The following SORCS1 variants were observed in gnomAD, a reference collection of about 807,000 sequenced individuals.
The protein encoded by SORCS1 is VPS10 domain-containing receptor SorCS1.
Under a neutral mutation model 146.1 loss-of-function variants are expected in SORCS1, and 60 were observed. The observed-to-expected ratio is 0.41, with a 90% CI of 0.33 to 0.51. SORCS1 has a LOEUF of 0.51. Ranked by LOEUF, SORCS1 falls within the 20% of genes least tolerant of loss-of-function variation. SORCS1 has a pLI of 0.21. For synonymous variants in SORCS1, 637 were observed against 584.0 expected (o/e 1.09, Z -1.31); for missense variants, 1,352 against 1,487.6 (o/e 0.91, Z 1.50).
chr10:106,948,112 A>C (rs979832697), intron 2 of SORCS1, among the ~76,000 whole-genome samples: 9 of 152,292 alleles, frequency 5.9e-5, no homozygotes, highest in African/African-American at 2.2e-4. Flanking sequence ...TCCAGTGAAT[A>C]GTATACTTCT....
At chr10:106,629,110 G>T in intron 19 of SORCS1, 92 bp downstream of exon 19, 1 of 1,125,438 alleles carries the variant, frequency 8.9e-7, no homozygotes, top group Non-Finnish European at 1.3e-6. Context: ...AAGATAACTA[G>T]TGTACTTCTT....
intron 1 of SORCS1, among the ~76,000 whole-genome samples, chr10:107,116,116 A>G (rs1966022087): frequency 6.7e-6 from 1 of 149,796 alleles, no homozygotes; most frequent in South Asian, 2.1e-4. Context: ...ACAAAAGGTA[A>G]TTATTGGTGA....
intron 4 of SORCS1, among the ~76,000 whole-genome samples, chr10:106,776,232 T>C (rs1860423091): frequency 6.6e-6 from 1 of 152,194 alleles, no homozygotes; most frequent in Non-Finnish European, 1.5e-5. Context: ...TAAGACACTG[T>C]CTCCAATTCA....
chr10:106,956,644 G>T, intron 1 of SORCS1, 64 bp from the exon 2 acceptor site: 1 of 1,401,778 alleles, frequency 7.1e-7, no homozygotes, highest in Non-Finnish European at 1.0e-6. Flanking sequence ...AACTGAAATG[G>T]CCCAAGGGAG....
chr10:106,782,064 A>G (rs1323902296), intron 3 of SORCS1, among the ~76,000 whole-genome samples: 1 of 152,196 alleles, frequency 6.6e-6, no homozygotes, highest in African/African-American at 2.4e-5. Context: ...TTTGTTTATT[A>G]GCACAAAATC....
chr10:107,179,476 TATAAAC>T, the SORCS1 span, among the ~76,000 whole-genome samples: 1 of 152,180 alleles, frequency 6.6e-6, no homozygotes, highest in Non-Finnish European at 1.5e-5. Context: ...AAATGTACAA[TATAAAC>T]CTCTTGAGAA....
chr10:106,777,595 A>C (rs1860547878), intron 3 of SORCS1, among the ~76,000 whole-genome samples: 1 of 152,230 alleles, frequency 6.6e-6, no homozygotes, highest in Admixed American at 6.5e-5. Flanking sequence ...AGAAGCTATA[A>C]ATACGTAAAA....
intron 1 of SORCS1, among the ~76,000 whole-genome samples, chr10:107,118,491 G>C (rs372592420): frequency 1.3e-5 from 2 of 152,172 alleles, no homozygotes; most frequent in East Asian, 3.9e-4. Flanking sequence ...TTATCCTTGG[G>C]CTTTATTTTT....
intron 1 of SORCS1, among the ~76,000 whole-genome samples, chr10:106,967,027 C>CT (rs1955526217): frequency 6.6e-6 from 1 of 151,734 alleles, no homozygotes; most frequent in Non-Finnish European, 1.5e-5. Context: ...ACTTAAGTTG[C>CT]TTTTTGATGC....
At chr10:107,034,757 A>G (rs1958823798) in intron 1 of SORCS1, among the ~76,000 whole-genome samples, 1 of 150,476 alleles carries the variant, frequency 6.6e-6, no homozygotes, top group Non-Finnish European at 1.5e-5. Flanking sequence ...TCTAAAACCT[A>G]AAGAATGAAA....
At chr10:106,622,289 GAAAAAAAA>G (rs554464573) in intron 19 of SORCS1, among the ~76,000 whole-genome samples, 2 of 39,052 alleles carry the variant, frequency 5.1e-5, no homozygotes, top group African/African-American at 1.7e-4. Flanking sequence ...ATTCCATCTC[GAAAAAAAA>G]AAAAAAAAAA....
At chr10:107,098,185 G>A (rs1964664441) in intron 1 of SORCS1, among the ~76,000 whole-genome samples, 1 of 152,134 alleles carries the variant, frequency 6.6e-6, no homozygotes, top group Non-Finnish European at 1.5e-5. Context: ...CCAAATATTA[G>A]TAGGTTATTA....
chr10:106,847,929 C>A (rs1025757345), intron 2 of SORCS1, among the ~76,000 whole-genome samples: 6 of 150,974 alleles, frequency 4.0e-5, no homozygotes, highest in Non-Finnish European at 5.9e-5. Context: ...TTCTAGTTTG[C>A]TTGCACTGTG....
chr10:106,963,204 C>G (rs999029119), intron 1 of SORCS1, among the ~76,000 whole-genome samples: 2 of 143,976 alleles, frequency 1.4e-5, no homozygotes, highest in African/African-American at 2.5e-5. Context: ...CAAGCTCCGC[C>G]TCCCGGGTTC....
rs752248850 is a variant in SORCS1 at position 106,597,352 on chromosome 10, C to G, written c.3264G>C (p.Ala1088=). 3 of 1,613,216 alleles carry G rather than the reference C, an allele frequency of 1.9e-6. No individual in the cohort carries two copies. The highest frequency in any genetic ancestry group is 1.7e-6 in the Non-Finnish European group (2 of 1,179,408). ...GAACCCCGGGACATGGACACTGACC[C>G]GCTGTTAAGTGAGCAGCATGGACAA... The part of the protein sequence containing the change: ...RVLVHAAHLT[A]APLVDLTPTH... The change falls in exon 24 of 26, where the codon GCG becomes GCC. Residue 1088 remains alanine, a splice_region_variant and synonymous_variant. Coordinates refer to ENST00000263054, the MANE Select transcript of SORCS1 (RefSeq NM_052918.5).
rs117638093 is a variant in SORCS1, at chr10:107,094,900, A to G, written c.558+69069T>C. ...AACCTTCATTTGGGAAAGTAATAGA[A>G]GCGTCATAGACAGGTTTGATGATCT... On this transcript the variant is annotated intron_variant, in intron 1 of 25. Transcript: ENST00000263054. Among the ~76,000 whole-genome samples the G allele has an allele frequency of 6.8e-3, 1,036 of 152,306 alleles. 8 individuals carry two copies. The highest frequency in any genetic ancestry group is 7.6e-3 in the Non-Finnish European group (515 of 68,026).
intron 5 of SORCS1, 100 bp from the exon 6 acceptor site, chr10:106,730,214 G>T (rs1856495347): frequency 2.8e-6 from 3 of 1,059,294 alleles, no homozygotes; most frequent in Non-Finnish European, 2.9e-6. Flanking sequence ...ATATCCACAG[G>T]CATCTAAACC....
chr10:107,073,902 T>C (rs1480232012), intron 1 of SORCS1, among the ~76,000 whole-genome samples: 3 of 152,182 alleles, frequency 2.0e-5, no homozygotes, highest in Non-Finnish European at 4.4e-5. Context: ...ATTTATTTTT[T>C]AGAGCAGTTT....
At chr10:106,706,189 G>T (rs974930663) in intron 8 of SORCS1, among the ~76,000 whole-genome samples, 6 of 42,550 alleles carry the variant, frequency 1.4e-4, no homozygotes, top group African/African-American at 4.2e-4. Context: ...CTCAGAGACA[G>T]AGAAGAAAGA....
Sources: gnomAD v4.1 joint callset for allele counts (sites outside exome capture counted in the v4.1 genomes callset) on GRCh38, gnomAD v4.1.1 for gene constraint, MANE v1.5 for transcripts, NCBI Gene and HGNC (gene_info 2026-07-23, HGNC 2026-07-21) for gene names.